TENM4: variants seen among roughly 807,000 people sequenced by gnomAD.
The protein encoded by TENM4 is teneurin-4.
TENM4 carries 82 observed loss-of-function variants against 243.3 expected under a neutral mutation model. That is an observed-to-expected ratio of 0.34 (90% CI 0.28 to 0.40). TENM4 has a LOEUF of 0.40. Ranked by LOEUF, TENM4 falls within the 10% of genes least tolerant of loss-of-function variation. TENM4 has a pLI of 1.00. For synonymous variants in TENM4, 1,412 were observed against 1,456.3 expected (o/e 0.97, Z 0.69); for missense variants, 3,138 against 3,673.3 (o/e 0.85, Z 3.77).
intron 1 of TENM4, among the ~76,000 whole-genome samples, chr11:79,371,146 T>C (rs1574471): frequency 0.69 from 105,277 of 152,160 alleles, 36,587 homozygotes; most frequent in African/African-American, 0.76. Context: ...GAGCTCTGTC[T>C]CAAGTGTCAG....
chr11:78,684,406 C>T (rs1174753907), intron 29 of TENM4, among the ~76,000 whole-genome samples: 1 of 152,204 alleles, frequency 6.6e-6, no homozygotes, highest in Non-Finnish European at 1.5e-5. Flanking sequence ...CTGTACTTGG[C>T]ATATAGTGTT....
chr11:78,950,101 G>C (rs1857082490), intron 6 of TENM4, among the ~76,000 whole-genome samples: 1 of 152,154 alleles, frequency 6.6e-6, no homozygotes, highest in Non-Finnish European at 1.5e-5. Flanking sequence ...TTGATGACCT[G>C]AGAAGCCTGC....
Position 79,064,991 on chromosome 11 carries a change from C to G in TENM4, c.240G>C (p.Leu80=). 1 of 1,462,340 alleles carries G rather than the reference C, an allele frequency of 6.8e-7. No individual in the cohort carries two copies. The highest frequency in any genetic ancestry group is 9.1e-7 in the Non-Finnish European group (1 of 1,102,172). 90.6% of individuals were successfully genotyped at this position (1,462,340 alleles called of 1,614,324 possible). A position where few individuals can be genotyped will look rare whatever the true frequency, so the allele number is the denominator to read the frequency against. Residue 80 remains leucine (L), a synonymous_variant, in exon 6 of 34, where the codon CTG becomes CTC. Coordinates refer to ENST00000278550, the MANE Select transcript of TENM4 (RefSeq NM_001098816.3). ...TTACTTCTTCCAGCCCCAGCTCCCG[C>G]AGGGTGAAGTTGGCACCTGGGAGGA... The part of the protein sequence containing the change: ...EFCRTGANFT[L]RELGLEEVTP...
At chr11:79,355,008 C>T (rs1857473155) in intron 1 of TENM4, among the ~76,000 whole-genome samples, 1 of 152,154 alleles carries the variant, frequency 6.6e-6, no homozygotes. Flanking sequence ...CTAACTGGGT[C>T]TACATTTAAA....
At chr11:79,065,411 T>C (rs886196434) in intron 5 of TENM4, among the ~76,000 whole-genome samples, 2 of 152,188 alleles carry the variant, frequency 1.3e-5, no homozygotes, top group Admixed American at 1.3e-4. Flanking sequence ...GTTTTGCTTA[T>C]GCTTATTCTT....
At chr11:79,030,463 A>G (rs1256350224) in intron 6 of TENM4, among the ~76,000 whole-genome samples, 2 of 152,142 alleles carry the variant, frequency 1.3e-5, no homozygotes, top group East Asian at 1.9e-4. Context: ...CTGTGCTGCT[A>G]TCAAAAAGCT....
chr11:78,843,392 TAGA>T (rs964021942), intron 12 of TENM4, among the ~76,000 whole-genome samples: 1 of 151,650 alleles, frequency 6.6e-6, no homozygotes, highest in Non-Finnish European at 1.5e-5. Context: ...GTGGCTGAGG[TAGA>T]AGGATTGCTT....
rs116720858 is a variant in TENM4 at position 79,088,496 on chromosome 11, T to C, written c.-65-18487A>G. Among the ~76,000 whole-genome samples, 526 of 152,312 alleles carry C rather than the reference T, an allele frequency of 3.5e-3. 2 individuals carry two copies. The highest frequency in any genetic ancestry group is 0.012 in the African/African-American group (504 of 41,568). On this transcript the variant is annotated intron_variant, in intron 4 of 33. Coordinates refer to ENST00000278550, the MANE Select transcript of TENM4 (RefSeq NM_001098816.3). ...CTCCCAGCTCTGTGCGCCCCAGCTG[T>C]GTGCCAGGCACAATTCACTTAACCT... is the stretch of plus-strand genomic sequence containing the variant.
chr11:78,666,220 C>T (rs1858156611), intron 32 of TENM4, among the ~76,000 whole-genome samples: 1 of 152,268 alleles, frequency 6.6e-6, no homozygotes, highest in South Asian at 2.1e-4. Context: ...TCTTTGCACA[C>T]CATGGGTTTT....
chr11:79,099,364 C>T (rs755484670), intron 4 of TENM4, among the ~76,000 whole-genome samples: 6 of 152,090 alleles, frequency 3.9e-5, no homozygotes, highest in East Asian at 1.9e-4. Context: ...TTTTCCCTGT[C>T]GTTCTCATGG....
intron 1 of TENM4, among the ~76,000 whole-genome samples, chr11:79,334,586 C>T (rs1466614877): frequency 6.6e-6 from 1 of 152,156 alleles, no homozygotes; most frequent in South Asian, 2.1e-4. Flanking sequence ...CAGGGGCATC[C>T]CTTGCCTGTC....
At position 79,182,286 on chromosome 11, in the gene TENM4, A is replaced by T. The variant is rs183823779; in HGVS notation, c.-162-33480T>A. ...GAATAGAGAACCCAGAAATAAATCT[A>T]CATAAATACAGTCAACTGATTTTTG... On this transcript the variant is annotated intron_variant, in intron 3 of 33. Transcript: ENST00000278550. 7.2e-5 allele frequency among the ~76,000 whole-genome samples: 11 copies of T among 152,322 alleles called. No homozygotes were observed. The East Asian group carries it at 1.9e-3, about 27-fold the overall frequency.
At chr11:79,272,929 G>A (rs543746821) in intron 2 of TENM4, among the ~76,000 whole-genome samples, 8 of 152,264 alleles carry the variant, frequency 5.3e-5, no homozygotes, top group South Asian at 2.1e-4. Context: ...ACCCAGTAAT[G>A]TATGCAATTT....
chr11:78,949,079 C>A (rs908252673), intron 6 of TENM4, among the ~76,000 whole-genome samples: 1 of 152,148 alleles, frequency 6.6e-6, no homozygotes, highest in East Asian at 1.9e-4. Context: ...TAATTTGTGA[C>A]ACAAAGCCCA....
chr11:79,249,982 CACTA>C (rs1437812734), intron 2 of TENM4, among the ~76,000 whole-genome samples: 1 of 152,226 alleles, frequency 6.6e-6, no homozygotes, highest in African/African-American at 2.4e-5. Context: ...TTGTGCCCTG[CACTA>C]ATTTTCTTTT....
intron 19 of TENM4, among the ~76,000 whole-genome samples, chr11:78,750,161 A>G (rs1192604813): frequency 6.6e-6 from 1 of 152,218 alleles, no homozygotes; most frequent in East Asian, 1.9e-4. Flanking sequence ...ACTGAAACCC[A>G]CAGTAAGCAA....
At chr11:79,151,747 C>T (rs1050339276) in intron 3 of TENM4, among the ~76,000 whole-genome samples, 1 of 152,094 alleles carries the variant, frequency 6.6e-6, no homozygotes, top group Non-Finnish European at 1.5e-5. Flanking sequence ...CCTAGACACT[C>T]CCCCTACCCC....
At chr11:79,166,034 A>G (rs2135103088) in intron 3 of TENM4, among the ~76,000 whole-genome samples, 1 of 152,246 alleles carries the variant, frequency 6.6e-6, no homozygotes, top group Non-Finnish European at 1.5e-5. Flanking sequence ...ACACCACATT[A>G]TACTTACCTT....
intron 15 of TENM4, among the ~76,000 whole-genome samples, chr11:78,803,336 T>C (rs1857321720): frequency 1.3e-5 from 2 of 152,174 alleles, no homozygotes; most frequent in African/African-American, 4.8e-5. Flanking sequence ...GCCTTTCATT[T>C]TCTTAAATAA....
Sources: gnomAD v4.1 joint callset for allele counts (sites outside exome capture counted in the v4.1 genomes callset) on GRCh38, gnomAD v4.1.1 for gene constraint, MANE v1.5 for transcripts, NCBI Gene and HGNC (gene_info 2026-07-23, HGNC 2026-07-21) for gene names.